SCN10A: variants seen among roughly 807,000 people sequenced by gnomAD.
SCN10A encodes the protein sodium channel protein type 10 subunit alpha.
A neutral mutation model predicts 170.7 loss-of-function variants in SCN10A; 162 were observed. That is an observed-to-expected ratio of 0.95 (90% confidence interval 0.84 to 1.08). The LOEUF (loss-of-function observed/expected upper bound fraction) is 1.08. Ranked by LOEUF, SCN10A falls within the 50% of genes least tolerant of loss-of-function variation. The pLI is 0.00. For missense variants in SCN10A, 2,527 were observed against 2,436.9 expected (o/e 1.04, Z -0.78); for synonymous variants, 985 against 904.6 (o/e 1.09, Z -1.59).
intron 1 of SCN10A, among the ~76,000 whole-genome samples, chr3:38,800,826 A>G (rs73064578): frequency 0.1 from 15,308 of 152,182 alleles, 886 homozygotes; most frequent in Non-Finnish European, 0.12. Flanking sequence ...CTGGGCTACA[A>G]GAGGACCCAC....
chr3:38,738,222 G>A (rs1481327810), intron 15 of SCN10A, among the ~76,000 whole-genome samples: 1 of 152,110 alleles, frequency 6.6e-6, no homozygotes, highest in Admixed American at 6.6e-5. Context: ...GTGAGCCACT[G>A]CACCTGGCCT....
chr3:38,808,488 A>G (rs554677562), intron 1 of SCN10A, among the ~76,000 whole-genome samples: 31 of 152,336 alleles, frequency 2.0e-4, no homozygotes, highest in African/African-American at 7.5e-4. Flanking sequence ...GCCACAGACC[A>G]TGTTCATATC....
At chr3:38,756,953 G>A (rs889830122) in intron 9 of SCN10A, 65 bp downstream of exon 9, 1 of 1,605,058 alleles carries the variant, frequency 6.2e-7, no homozygotes, top group African/African-American at 1.3e-5. Flanking sequence ...TCCAGGAAAA[G>A]CACAGCCATG....
At position 38,791,711 on chromosome 3, in the gene SCN10A, G is replaced by A. The variant is rs141738882; in HGVS notation, c.389+339C>T. Among the ~76,000 whole-genome samples, 197 of 152,258 alleles carry A rather than the reference G, an allele frequency of 1.3e-3. 3 individuals carry two copies. The highest frequency in any genetic ancestry group is 1.4e-3 in the Non-Finnish European group (92 of 68,016). ...CTGCCTGTTGTGTTGTGGGGAAAGCGGACCACACACCGTGGTGAGAATGTG... is the reference window on the plus strand; with the variant it reads ...CTGCCTGTTGTGTTGTGGGGAAAGCAGACCACACACCGTGGTGAGAATGTG... On this transcript the variant is annotated intron_variant, in intron 3 of 27. Transcript: ENST00000449082.
rs373186045 is a variant in SCN10A, at chr3:38,722,250, C to T, written c.3507+8G>A. 48 of 1,612,614 alleles carry T rather than the reference C, an allele frequency of 3.0e-5. No individual in the cohort carries two copies. Among genetic ancestry groups the T allele is most frequent in the Non-Finnish European group, 4.0e-5 (47 of 1,179,132 alleles). Reference sequence around the variant, plus strand: ...GGATTTGGGGGCAGGGACTATGCCTCCCCTTACCAGAGATCCACTGCTGAG... The same window carrying T: ...GGATTTGGGGGCAGGGACTATGCCTTCCCTTACCAGAGATCCACTGCTGAG... On this transcript the variant is annotated splice_region_variant and intron_variant, in intron 20 of 27. Transcript: ENST00000449082.
chr3:38,760,050 C>T (rs1410004898), intron 8 of SCN10A, among the ~76,000 whole-genome samples: 6 of 152,194 alleles, frequency 3.9e-5, no homozygotes, highest in Admixed American at 1.3e-4. Context: ...ATTAAAATGG[C>T]TATAATTCTT....
intron 7 of SCN10A, 77 bp downstream of exon 7, chr3:38,761,115 G>C (rs1346649271): frequency 7.7e-6 from 9 of 1,173,192 alleles, no homozygotes; most frequent in Non-Finnish European, 1.1e-5. Flanking sequence ...CACACACAGG[G>C]GCTCCATATC....
rs199535863 is a variant in SCN10A at position 38,728,706 on chromosome 3, C to T, written c.2476G>A (p.Asp826Asn). 4.3e-5 allele frequency: 70 copies of T among 1,613,808 alleles called. No individual in the cohort carries two copies. In the Middle Eastern group the frequency reaches 8.2e-4, roughly 19 times the overall value. Residue 826 changes from aspartate (D) to asparagine (N), a missense_variant, in exon 16 of 28, where the codon GAC becomes AAC. Transcript: ENST00000449082. The stretch of plus-strand genomic sequence containing the variant: ...TCGTGCATGTGCCAGCGGGGCCAGT[C>T]TTCATGGGGCGCGGAGATATTTTTT... Reference protein sequence around the residue: ...NRKNISAPHEDWPRWHMHDFF... With the variant: ...NRKNISAPHENWPRWHMHDFF...
intron 13 of SCN10A, among the ~76,000 whole-genome samples, chr3:38,745,673 A>G (rs935083981): frequency 2.0e-5 from 3 of 151,898 alleles, no homozygotes; most frequent in East Asian, 1.9e-4. Flanking sequence ...CTTTTACTCC[A>G]TTAATCCTCT....
intron 1 of SCN10A, among the ~76,000 whole-genome samples, chr3:38,799,723 T>C (rs1297300939): frequency 6.7e-6 from 1 of 149,788 alleles, no homozygotes; most frequent in African/African-American, 2.4e-5. Context: ...TCATATAAAG[T>C]TTTTCTTTAA....
At chr3:38,796,099 CA>C (rs148116001) in intron 1 of SCN10A, among the ~76,000 whole-genome samples, 2,491 of 152,212 alleles carry the variant, frequency 0.016, 51 homozygotes, top group African/African-American at 0.056. Context: ...CTCTCCACTT[CA>C]GTGTCTCATG....
chr3:38,709,386 G>T, intron 25 of SCN10A, 92 bp downstream of exon 25: 1 of 1,339,342 alleles, frequency 7.5e-7, no homozygotes, highest in Non-Finnish European at 1.0e-6. Flanking sequence ...GAGTAGTGTT[G>T]GCTTTTGTCA....
intron 21 of SCN10A, among the ~76,000 whole-genome samples, chr3:38,717,964 T>C (rs577292261): frequency 1.1e-4 from 16 of 152,228 alleles, no homozygotes; most frequent in Non-Finnish European, 1.9e-4. Context: ...GTCAATTCTC[T>C]AATGCAGGGA....
In SCN10A at chr3:38,739,548, C is replaced by T. The variant is rs762907750; in HGVS notation, c.2247G>A (p.Lys749=). The T allele has an allele frequency of 6.2e-7, 1 of 1,614,120 alleles. No homozygotes were observed. The highest frequency in any genetic ancestry group is 8.5e-7 in the Non-Finnish European group (1 of 1,180,016). ...AGCTCCGCAGCACAGACAGGCTTCC[C>T]TTCTTGGCCACGCCCAGCTCTAGCA... ...VSLLELGVAK[K]GSLSVLRSFR... Residue 749 remains lysine, a synonymous_variant, in exon 15 of 28, where the codon AAG becomes AAA. Transcript: ENST00000449082.
At chr3:38,718,865 G>T in intron 20 of SCN10A, 39 bp from the exon 21 acceptor site, 2 of 1,600,380 alleles carry the variant, frequency 1.2e-6, no homozygotes, top group Non-Finnish European at 1.7e-6. Context: ...AGGCTGCCTG[G>T]ACCCACAGCA....
intron 21 of SCN10A, among the ~76,000 whole-genome samples, chr3:38,714,883 G>A (rs557209188): frequency 2.6e-5 from 4 of 152,118 alleles, no homozygotes; most frequent in Non-Finnish European, 5.9e-5. Context: ...TCATAGATAC[G>A]GGCTATGACC....
chr3:38,794,104 A>G (rs1475951503), intron 1 of SCN10A, 62 bp from the exon 2 acceptor site: 2 of 1,119,028 alleles, frequency 1.8e-6, no homozygotes, highest in African/African-American at 1.5e-5. Context: ...TGTCCCTCTC[A>G]TCTGTCCCAT....
rs2063567359 is a variant in SCN10A at position 38,736,962 on chromosome 3, C to CTTTTTTTTTTTTTTTTT, written c.2280+2552_2280+2553insAAAAAAAAAAAAAAAAA. On this transcript the variant is annotated intron_variant, in intron 15 of 27. Coordinates refer to ENST00000449082, the MANE Select transcript of SCN10A (RefSeq NM_006514.4). ...CTTCCCCAAGTGTAGCAGAAATGTT[C>CTTTTTTTTTTTTTTTTT]GTTTTTTTTTTTTTTTTTTTTTTTT... Among the ~76,000 whole-genome samples, 6 of 69,254 alleles carry CTTTTTTTTTTTTTTTTT rather than the reference C, an allele frequency of 8.7e-5. 2 individuals carry two copies. Among genetic ancestry groups the CTTTTTTTTTTTTTTTTT allele is most frequent in the African/African-American group, 3.1e-4 (6 of 19,100 alleles). The allele number at this position is 69,254 out of a possible 152,430, so 45.4% of individuals were successfully genotyped here. A position where few individuals can be genotyped will look rare whatever the true frequency, so the allele number is the denominator to read the frequency against.
intron 25 of SCN10A, among the ~76,000 whole-genome samples, chr3:38,708,110 C>A (rs1284618799): frequency 6.6e-6 from 1 of 152,132 alleles, no homozygotes; most frequent in East Asian, 1.9e-4. Context: ...TTAGTCCCTG[C>A]AAATGCTGGG....
Sources: gnomAD v4.1 joint callset for allele counts (sites outside exome capture counted in the v4.1 genomes callset) on GRCh38, gnomAD v4.1.1 for gene constraint, MANE v1.5 for transcripts, NCBI Gene and HGNC (gene_info 2026-07-23, HGNC 2026-07-21) for gene names.